SEC16B: variants seen among roughly 807,000 people sequenced by gnomAD.
The protein encoded by SEC16B is SEC16 homolog B, endoplasmic reticulum export factor.
In SEC16B, 115 loss-of-function variants were observed where a neutral mutation model predicts 141.8. That is an observed-to-expected ratio of 0.81 (90% confidence interval 0.70 to 0.95). The LOEUF is 0.95. Among genes scored for constraint, SEC16B ranks in the 40% least tolerant of loss-of-function variants. The pLI, the probability that SEC16B is intolerant of heterozygous loss-of-function variation, is 0.00. For synonymous variants in SEC16B, 493 were observed against 492.5 expected (o/e 1.00, Z -0.01); for missense variants, 1,291 against 1,312.3 (o/e 0.98, Z 0.25).
At chr1:177,972,108 TA>T (rs2102016821), upstream of SEC16B, among the ~76,000 whole-genome samples, 1 of 152,346 alleles carries the variant, frequency 6.6e-6, no homozygotes, top group African/African-American at 2.4e-5. Flanking sequence ...CAAATTATTC[TA>T]AATGCTTATT....
intron 15 of SEC16B, among the ~76,000 whole-genome samples, chr1:177,942,875 T>C (rs1299159255): frequency 6.6e-6 from 1 of 152,144 alleles, no homozygotes. Flanking sequence ...TCTCTGTGCC[T>C]CGGTTTCCTC....
At chr1:177,955,248 C>T (rs896100328) in intron 10 of SEC16B, among the ~76,000 whole-genome samples, 21 of 151,802 alleles carry the variant, frequency 1.4e-4, no homozygotes, top group Non-Finnish European at 2.1e-4. Context: ...GTAATCCCTA[C>T]ACTTTGGGAG....
At chr1:177,937,067 C>G in intron 19 of SEC16B, 147 bp downstream of exon 19, 1 of 841,888 alleles carries the variant, frequency 1.2e-6, no homozygotes, top group Non-Finnish European at 1.8e-6. Context: ...AACTAGCAGG[C>G]CCTCCGTAAC....
Position 177,941,936 on chromosome 1 carries a change from C to A in SEC16B, c.1986G>T (p.Glu662Asp), listed in dbSNP as rs777469391. The change falls in exon 16 of 26, where the codon GAG becomes GAT. Residue 662 changes from glutamate (E) to aspartate (D), a missense_variant. Around this residue, in one of 3 missense-constraint regions of SEC16B, gnomAD observed 605 missense variants for 614.1 expected, o/e 0.99. Coordinates refer to ENST00000308284, the MANE Select transcript of SEC16B (RefSeq NM_033127.4). ...AIGAAVLSQG[E>D]SSHPVLLVEL... ...CCACTAATAGCACAGGGTGACTGCT[C>A]TCTCCCTGGCTCAAGACAGCTGCAC... 6.2e-7 allele frequency: 1 copy of A among 1,614,018 alleles called. No homozygotes were observed. The highest frequency in any genetic ancestry group is 8.5e-7 in the Non-Finnish European group (1 of 1,179,890).
At chr1:177,961,397 T>A in intron 6 of SEC16B, 193 bp downstream of exon 6, 1 of 569,146 alleles carries the variant, frequency 1.8e-6, no homozygotes, top group Non-Finnish European at 3.0e-6. Flanking sequence ...CTTCCAGGAA[T>A]CAGCTATGAT....
intron 3 of SEC16B, among the ~76,000 whole-genome samples, chr1:177,965,400 G>GGTGTGTGTGTGTGT (rs71108021): frequency 0.042 from 6,413 of 151,086 alleles, 484 homozygotes; most frequent in African/African-American, 0.15. Context: ...GATGGGGATT[G>GGTGTGTGTGTGTGT]GTGTGTGTGT....
Position 177,958,116 on chromosome 1 carries a change from G to A in SEC16B, c.1365+16C>T. ...ATTGCTTTTTCAAAATAAGTATGGG[G>A]GAAGGGCATACTTGCCTTCTTCCTT... On this transcript the variant is annotated intron_variant, in intron 10 of 25. Coordinates refer to ENST00000308284, the MANE Select transcript of SEC16B (RefSeq NM_033127.4). 6.8e-7 allele frequency: 1 copy of A among 1,464,176 alleles called. No homozygotes were observed. The highest frequency in any genetic ancestry group is 9.1e-7 in the Non-Finnish European group (1 of 1,100,098). 90.7% of individuals were successfully genotyped at this position (1,464,176 alleles called of 1,614,324 possible).
chr1:177,958,383 T>A (rs1400894605), intron 9 of SEC16B, 21 bp from the exon 10 acceptor site: 1 of 1,534,072 alleles, frequency 6.5e-7, no homozygotes, highest in Non-Finnish European at 8.8e-7. Flanking sequence ...AAGAGGATCA[T>A]CTGGGGAGAA....
rs781290003 is a variant in SEC16B, at chr1:177,944,612, GA to G, written c.1829del (p.Phe610SerfsTer49). The G allele has an allele frequency of 1.2e-6, 2 of 1,613,886 alleles. No individual in the cohort carries two copies. The highest frequency in any genetic ancestry group is 2.2e-5 in the South Asian group (2 of 91,072). On this transcript the variant is annotated frameshift_variant, in exon 15 of 26. Coordinates refer to ENST00000308284, the MANE Select transcript of SEC16B (RefSeq NM_033127.4). LOFTEE classifies it high-confidence loss of function. ...GGCGGCCCAGCATCTGACAGTACTC[GA>G]AGATTTCCGTCCTCTGGATTGCCTC... ...TTEAIQRTEI[F>X]EYCQMLGRPK... is the part of the protein sequence containing the mutation.
At chr1:177,931,095 A>C (rs1054024489) in intron 24 of SEC16B, among the ~76,000 whole-genome samples, 24 of 152,276 alleles carry the variant, frequency 1.6e-4, no homozygotes, top group African/African-American at 5.5e-4. Context: ...AAAGGAAAGA[A>C]GTCATTACTT....
chr1:177,950,610 A>G (rs1000110784), intron 12 of SEC16B, among the ~76,000 whole-genome samples: 4 of 152,192 alleles, frequency 2.6e-5, no homozygotes, highest in Admixed American at 6.5e-5. Context: ...TTACCACAAA[A>G]CAAATGAAAA....
At chr1:177,958,811 A>AC in intron 9 of SEC16B, 29 bp downstream of exon 9, 1 of 1,597,160 alleles carries the variant, frequency 6.3e-7, no homozygotes, top group South Asian at 1.1e-5. Flanking sequence ...TTCAGCCTGC[A>AC]CCTGCTCTCC....
At chr1:177,979,569 C>T (rs916775191) in intron 1 of SEC16B, among the ~76,000 whole-genome samples, 1 of 152,150 alleles carries the variant, frequency 6.6e-6, no homozygotes, top group Non-Finnish European at 1.5e-5. Context: ...ACTTATGATG[C>T]CAAAAAACCA....
upstream of SEC16B, among the ~76,000 whole-genome samples, chr1:177,972,301 T>G (rs1349638517): frequency 1.3e-5 from 2 of 152,220 alleles, no homozygotes; most frequent in South Asian, 4.1e-4. Context: ...CCAAAGGGTT[T>G]AGGATTTATC....
rs115648685 is a variant in SEC16B, at chr1:177,960,471, A to G, written c.937-68T>C. 2,155 of 1,112,166 alleles carry G rather than the reference A, an allele frequency of 1.9e-3. 28 individuals carry two copies. In the African/African-American group the frequency reaches 0.03, roughly 15 times the overall value. The allele number at this position is 1,112,166 out of a possible 1,614,324, so 68.9% of individuals were successfully genotyped here. On this transcript the variant is annotated intron_variant, in intron 7 of 25. Transcript: ENST00000308284. ...CCCTAGGCCCCTTTCAGTCAAGTCT[A>G]GTGTCAGACCCCAAGGCCGTGGGGC...
At position 177,947,923 on chromosome 1, in the gene SEC16B, C is replaced by T; in HGVS notation, c.1565G>A (p.Trp522Ter). Residue 522 changes from tryptophan to a stop codon, truncating the protein, a stop_gained, in exon 13 of 26, where the codon TGG becomes TAG. Coordinates refer to ENST00000308284, the MANE Select transcript of SEC16B (RefSeq NM_033127.4). LOFTEE classifies it high-confidence loss of function. ...QAATCCGEKQ[W>*]GDWRPHLAVI... ...AGCCAAGTGAGGCCTCCAGTCTCCCCACTGCTTTTCTCCACAACACTGAAA... is the reference window on the plus strand; with the variant it reads ...AGCCAAGTGAGGCCTCCAGTCTCCCTACTGCTTTTCTCCACAACACTGAAA... 1 of 1,555,606 alleles carries T rather than the reference C, an allele frequency of 6.4e-7. No homozygotes were observed. The highest frequency in any genetic ancestry group is 8.7e-7 in the Non-Finnish European group (1 of 1,149,112).
chr1:177,964,362 C>CCCACGCTTTGGAGCAGG, intron 4 of SEC16B, 83 bp from the exon 5 acceptor site: 1 of 955,052 alleles, frequency 1.0e-6, no homozygotes, highest in Non-Finnish European at 1.6e-6. Flanking sequence ...AGCTGACCTG[C>CCCACGCTTTGGAGCAGG]TCCAAAGCGT....
At chr1:177,973,741 A>G (rs538826065), upstream of SEC16B, among the ~76,000 whole-genome samples, 1 of 152,312 alleles carries the variant, frequency 6.6e-6, no homozygotes, top group South Asian at 2.1e-4. Flanking sequence ...ACCTGCCCCA[A>G]AGAAGCTCTC....
Position 177,929,477 on chromosome 1 carries a change from C to T in SEC16B, c.*381G>A. The T allele has an allele frequency of 4.2e-6, 1 of 237,758 alleles. No homozygotes were observed. The allele number at this position is 237,758 out of a possible 1,614,324, so 14.7% of individuals were successfully genotyped here. ...TATTGTTCTGAGCCCCTGCCCCTCC[C>T]CCTGCTTCCCATTTCTTGCTACAGG... is the stretch of plus-strand genomic sequence containing the variant. On this transcript the variant is annotated 3_prime_UTR_variant, in exon 26 of 26. Coordinates refer to ENST00000308284, the MANE Select transcript of SEC16B (RefSeq NM_033127.4).
Sources: allele counts gnomAD v4.1 joint callset (sites outside exome capture counted in the v4.1 genomes callset), GRCh38; gene constraint gnomAD v4.1.1; regional missense constraint gnomAD v4.1.1; transcripts MANE v1.5; gene names NCBI Gene and HGNC (gene_info 2026-07-23, HGNC 2026-07-21).